The following ABCA13 variants were observed in gnomAD, a reference collection of about 807,000 sequenced individuals.
ABCA13 encodes the protein ATP-binding cassette sub-family A member 13.
ABCA13 carries 476 observed loss-of-function variants against 478.7 expected under a neutral mutation model. That is an observed-to-expected ratio of 0.99 (90% CI 0.92 to 1.07). The LOEUF (loss-of-function observed/expected upper bound fraction) is 1.07, where lower values mean the gene tolerates loss of function less well. Ranked by LOEUF, ABCA13 falls within the 50% of genes least tolerant of loss-of-function variation. The pLI is 0.00. For missense variants in ABCA13, 6,060 were observed against 5,910.6 expected, an observed-to-expected ratio of 1.03 and a Z score of -0.83; for synonymous variants, 2,252 against 2,158.9, an observed-to-expected ratio of 1.04 and a Z score of -1.20.
At chr7:48,641,667 C>T (rs1795111372) in intron 59 of ABCA13, among the ~76,000 whole-genome samples, 1 of 152,170 alleles carries the variant, frequency 6.6e-6, no homozygotes, top group South Asian at 2.1e-4. Flanking sequence ...ACCAGAAACA[C>T]ATCTCCATGC....
At chr7:48,360,910 G>A (rs1014059196) in intron 31 of ABCA13, among the ~76,000 whole-genome samples, 1 of 151,858 alleles carries the variant, frequency 6.6e-6, no homozygotes, top group Non-Finnish European at 1.5e-5. Context: ...AGCCTGGACA[G>A]CATAGCAAGA....
Position 48,275,011 on chromosome 7 carries a change from C to A in ABCA13, c.5345C>A (p.Thr1782Asn). ...VYSFTLLHGI[T>N]ISNITKEDFA... Reference sequence around the variant, plus strand: ...AGCTTCACACTCCTTCATGGCATAACCATTTCAAATATCACCAAGGAAGAC... The same window carrying A: ...AGCTTCACACTCCTTCATGGCATAAACATTTCAAATATCACCAAGGAAGAC... Residue 1782 changes from threonine (T) to asparagine (N), a missense_variant, in exon 17 of 62, where the codon ACC becomes AAC. By Grantham distance (65) the Thr-to-Asn change is moderately conservative. This residue lies in a region of ABCA13 where 4,423 missense variants were observed against 4,309.1 expected (regional missense o/e 1.03). Transcript: ENST00000435803. 3.1e-6 allele frequency: 5 copies of A among 1,613,890 alleles called. No homozygotes were observed. Among genetic ancestry groups the A allele is most frequent in the Non-Finnish European group, 4.2e-6 (5 of 1,179,848 alleles).
intron 27 of ABCA13, among the ~76,000 whole-genome samples, chr7:48,328,669 A>G (rs1175067424): frequency 1.3e-5 from 2 of 152,088 alleles, no homozygotes; most frequent in Non-Finnish European, 2.9e-5. Flanking sequence ...ATTTGATATA[A>G]TCTTAATTAA....
At chr7:48,180,739 C>T (rs2128869624) in intron 1 of ABCA13, among the ~76,000 whole-genome samples, 1 of 152,168 alleles carries the variant, frequency 6.6e-6, no homozygotes, top group South Asian at 2.1e-4. Flanking sequence ...TGCTGGACAT[C>T]TCTTAATAAA....
intron 1 of ABCA13, among the ~76,000 whole-genome samples, chr7:48,191,626 TG>T (rs1263724033): frequency 6.6e-6 from 1 of 152,180 alleles, no homozygotes; most frequent in Non-Finnish European, 1.5e-5. Context: ...CAGGCTGGTC[TG>T]GAACTCCTGA....
rs1272702469 is a variant in ABCA13, at chr7:48,239,121, C to G, written c.898-120C>G. On this transcript the variant is annotated intron_variant, in intron 8 of 61. Coordinates refer to ENST00000435803, the MANE Select transcript of ABCA13 (RefSeq NM_152701.5). ...TAAATCACATAGATATCATCACTTA[C>G]TTCTTCAATCAAGCAAATGTAAGAA... The G allele has an allele frequency of 5.9e-6, 6 of 1,019,210 alleles. No homozygotes were observed. In the African/African-American group the frequency reaches 9.6e-5, roughly 16 times the overall value. The allele number at this position is 1,019,210 out of a possible 1,614,324, so 63.1% of individuals were successfully genotyped here.
intron 42 of ABCA13, among the ~76,000 whole-genome samples, chr7:48,429,588 G>C (rs1271546852): frequency 6.6e-6 from 1 of 152,144 alleles, no homozygotes; most frequent in East Asian, 1.9e-4. Flanking sequence ...CTTTGGAGAA[G>C]TCATATTCAG....
At chr7:48,248,196 A>G (rs764394754) in intron 13 of ABCA13, 43 bp from the exon 14 acceptor site, 1 of 1,531,492 alleles carries the variant, frequency 6.5e-7, no homozygotes, top group Non-Finnish European at 8.9e-7. Context: ...CCACATCTGA[A>G]TTGCTTTATT....
At chr7:48,462,433 A>G (rs1248261534) in intron 43 of ABCA13, among the ~76,000 whole-genome samples, 7 of 133,650 alleles carry the variant, frequency 5.2e-5, no homozygotes, top group Non-Finnish European at 1.1e-4. Context: ...TTATCCTTGG[A>G]GTAAAGGATT....
intron 59 of ABCA13, among the ~76,000 whole-genome samples, chr7:48,622,402 C>T (rs569037896): frequency 6.6e-6 from 1 of 152,276 alleles, no homozygotes; most frequent in African/African-American, 2.4e-5. Flanking sequence ...TGGATGTCCT[C>T]CCTTTGGGCT....
chr7:48,553,510 CT>C (rs1339638331), intron 55 of ABCA13, among the ~76,000 whole-genome samples: 1 of 151,932 alleles, frequency 6.6e-6, no homozygotes, highest in East Asian at 1.9e-4. Context: ...GCCATTTTAA[CT>C]GGGGTGAGAT....
At chr7:48,523,444 T>TA (rs762466038) in intron 53 of ABCA13, among the ~76,000 whole-genome samples, 5 of 152,058 alleles carry the variant, frequency 3.3e-5, no homozygotes, top group African/African-American at 4.8e-5. Flanking sequence ...CTATGTACCT[T>TA]ACACCCAGCT....
intron 57 of ABCA13, among the ~76,000 whole-genome samples, chr7:48,593,767 T>C (rs1208229977): frequency 6.6e-6 from 1 of 151,966 alleles, no homozygotes; most frequent in African/African-American, 2.4e-5. Flanking sequence ...CAATGAACTC[T>C]TTCAGCTTTT....
At chr7:48,283,438 G>A (rs1177286605) in intron 19 of ABCA13, among the ~76,000 whole-genome samples, 1 of 152,170 alleles carries the variant, frequency 6.6e-6, no homozygotes, top group Admixed American at 6.5e-5. Context: ...CCTTGAGGGT[G>A]CAGTTCAGGG....
At chr7:48,577,469 A>G (rs1041763153) in intron 55 of ABCA13, among the ~76,000 whole-genome samples, 3 of 152,136 alleles carry the variant, frequency 2.0e-5, no homozygotes, top group Non-Finnish European at 4.4e-5. Flanking sequence ...CTATGCCCAC[A>G]TCTTTGATAA....
rs189153461 is a variant in ABCA13 at position 48,296,613 on chromosome 7, C to T, written c.9120-619C>T. Among the ~76,000 whole-genome samples the T allele has an allele frequency of 2.6e-4, 39 of 152,084 alleles. 1 individual carries two copies. In the East Asian group the frequency reaches 4.5e-3, roughly 17 times the overall value. ...TAGCTGGGACTACAGGCACCCGCCACCATGCCCGGCTAATTTTGTTTTTTT... is the reference window on the plus strand; with the variant it reads ...TAGCTGGGACTACAGGCACCCGCCATCATGCCCGGCTAATTTTGTTTTTTT... On this transcript the variant is annotated intron_variant, in intron 21 of 61. Transcript: ENST00000435803.
chr7:48,370,977 A>G lies in ABCA13; in HGVS notation c.10804-1191A>G, dbSNP rs922682045. ...TATATAAGGTTTAAGGAAGGAGTCC[A>G]GTTTCAATTTTCTGCATATGGCTAG... On this transcript the variant is annotated intron_variant, in intron 32 of 61. Coordinates refer to ENST00000435803, the MANE Select transcript of ABCA13 (RefSeq NM_152701.5). Among the ~76,000 whole-genome samples, 3 of 152,190 alleles carry G rather than the reference A, an allele frequency of 2.0e-5. No homozygotes were observed. In the East Asian group the frequency reaches 5.8e-4, roughly 29 times the overall value.
chr7:48,361,103 A>G (rs147362902), intron 31 of ABCA13, among the ~76,000 whole-genome samples: 149 of 151,778 alleles, frequency 9.8e-4, no homozygotes, highest in African/African-American at 3.4e-3. Context: ...TTGGAAAAAA[A>G]AAAAAAAGAC....
intron 55 of ABCA13, among the ~76,000 whole-genome samples, chr7:48,536,672 A>G (rs1459554979): frequency 2.0e-5 from 3 of 152,068 alleles, no homozygotes; most frequent in Non-Finnish European, 4.4e-5. Flanking sequence ...TTATAACTTC[A>G]ACATTTATAA....
Sources: allele counts gnomAD v4.1 joint callset (sites outside exome capture counted in the v4.1 genomes callset), GRCh38; gene constraint gnomAD v4.1.1; regional missense constraint gnomAD v4.1.1; transcripts MANE v1.5; gene names NCBI Gene and HGNC (gene_info 2026-07-23, HGNC 2026-07-21).